The following CARMIL1 variants were observed in gnomAD, a reference collection of about 807,000 sequenced individuals.
CARMIL1 encodes the protein F-actin-uncapping protein LRRC16A.
In CARMIL1, 90 loss-of-function variants were observed where a neutral mutation model predicts 177.1. That is an observed-to-expected ratio of 0.51 (90% CI 0.43 to 0.61). The LOEUF is 0.61. Ranked by LOEUF, CARMIL1 falls within the 20% of genes least tolerant of loss-of-function variation. The pLI, the probability that CARMIL1 is intolerant of heterozygous loss-of-function variation, is 0.00. For missense variants in CARMIL1, 1,380 were observed against 1,667.0 expected (o/e 0.83, Z 3.00); for synonymous variants, 577 against 606.2 (o/e 0.95, Z 0.71).
chr6:25,554,084 CCAT>C lies in CARMIL1; in HGVS notation c.2584_2586del (p.His862del). The C allele has an allele frequency of 6.3e-7, 1 of 1,591,542 alleles. No individual in the cohort carries two copies. Among genetic ancestry groups the C allele is most frequent in the Non-Finnish European group, 8.6e-7 (1 of 1,167,992 alleles). On this transcript the variant is annotated inframe_deletion, in exon 28 of 37. Coordinates refer to ENST00000329474, the MANE Select transcript of CARMIL1 (RefSeq NM_017640.6). This position sits in a 1 kb window ranked among gnomAD's most constrained non-coding sequence, Gnocchi z 4.6. ...AAATCCTGGATGCACTCTCACATTG[CCAT>C]CATAAACTGGTGAGTGCTGTGCACA...
intron 2 of CARMIL1, among the ~76,000 whole-genome samples, chr6:25,302,779 A>G (rs1782965800): frequency 6.6e-6 from 1 of 152,186 alleles, no homozygotes; most frequent in Non-Finnish European, 1.5e-5. Flanking sequence ...ACTTGAACTG[A>G]ACTCTACTTT....
chr6:25,480,514 G>A (rs1038796647), intron 11 of CARMIL1, among the ~76,000 whole-genome samples: 25 of 150,914 alleles, frequency 1.7e-4, no homozygotes, highest in African/African-American at 6.1e-4. Context: ...TCGCTTTTAC[G>A]TTCACTTCTG....
chr6:25,414,836 G>A (rs1403856317), intron 2 of CARMIL1, among the ~76,000 whole-genome samples: 2 of 152,126 alleles, frequency 1.3e-5, no homozygotes, highest in Non-Finnish European at 2.9e-5. Context: ...CAGAAATGGG[G>A]ACCATCCTGC....
intron 2 of CARMIL1, among the ~76,000 whole-genome samples, chr6:25,371,384 T>C (rs1386174993): frequency 6.6e-6 from 1 of 152,080 alleles, no homozygotes; most frequent in Non-Finnish European, 1.5e-5. Flanking sequence ...AGTGTATAAG[T>C]AAGTGTTCTC....
chr6:25,550,030 T>A (rs1274427239), intron 26 of CARMIL1, among the ~76,000 whole-genome samples: 1 of 152,210 alleles, frequency 6.6e-6, no homozygotes, highest in Non-Finnish European at 1.5e-5. Flanking sequence ...GATCAGTAAC[T>A]TTGTCCAGTG....
At chr6:25,323,969 G>A (rs1431691362) in intron 2 of CARMIL1, among the ~76,000 whole-genome samples, 2 of 152,230 alleles carry the variant, frequency 1.3e-5, no homozygotes, top group African/African-American at 4.8e-5. Context: ...TGTGGTAATT[G>A]ACTGTTATGG....
intron 2 of CARMIL1, among the ~76,000 whole-genome samples, chr6:25,351,860 GAA>G: frequency 6.7e-6 from 1 of 150,090 alleles, no homozygotes; most frequent in South Asian, 2.1e-4. Context: ...CTGACAATAT[GAA>G]AAAAAAAATC....
intron 3 of CARMIL1, among the ~76,000 whole-genome samples, chr6:25,423,101 C>A (rs928107765): frequency 6.6e-6 from 1 of 152,216 alleles, no homozygotes; most frequent in African/African-American, 2.4e-5. Flanking sequence ...GAAGTAAAGC[C>A]AGTGTGAATG....
intron 2 of CARMIL1, among the ~76,000 whole-genome samples, chr6:25,392,672 T>C (rs1792989776): frequency 6.6e-6 from 1 of 152,156 alleles, no homozygotes. Context: ...ATTTGGAAAA[T>C]CTGAATAAGT....
chr6:25,581,073 C>T (rs2151251357), intron 30 of CARMIL1, 83 bp downstream of exon 30: 1 of 1,379,404 alleles, frequency 7.2e-7, no homozygotes, highest in Non-Finnish European at 1.0e-6. Context: ...AGGGATGTTC[C>T]TTATGGATGC....
At chr6:25,520,509 G>A (rs1437031337) in intron 23 of CARMIL1, among the ~76,000 whole-genome samples, 172 bp downstream of exon 23, 1 of 152,022 alleles carries the variant, frequency 6.6e-6, no homozygotes, top group East Asian at 1.9e-4. Context: ...CATGACTGGG[G>A]GAGGAGTAAA....
rs1803256994 is a variant in CARMIL1, at chr6:25,491,757, C to T, written c.1091C>T (p.Pro364Leu). The change falls in exon 14 of 37, where the codon CCA becomes CTA. Residue 364 changes from proline (P) to leucine (L), a missense_variant. By Grantham distance (98) the Pro-to-Leu change is moderately conservative. Coordinates refer to ENST00000329474, the MANE Select transcript of CARMIL1 (RefSeq NM_017640.6). ...LSHMYNFLAQ[P>L]NAIVHLDLSN... Reference sequence around the variant, plus strand: ...CACATGTATAATTTTTTGGCCCAGCCAAATGCCATTGTTCATCTGGATTTA... The same window carrying T: ...CACATGTATAATTTTTTGGCCCAGCTAAATGCCATTGTTCATCTGGATTTA... The T allele has an allele frequency of 6.3e-7, 1 of 1,598,272 alleles. No homozygotes were observed. Among genetic ancestry groups the T allele is most frequent in the Non-Finnish European group, 8.5e-7 (1 of 1,171,960 alleles).
intron 1 of CARMIL1, among the ~76,000 whole-genome samples, chr6:25,281,136 GCACACACA>G (rs1554148590): frequency 0.017 from 2,252 of 132,184 alleles, 60 homozygotes; most frequent in African/African-American, 0.051. Flanking sequence ...GTGCGCGCGC[GCACACACA>G]CACACACACA....
At chr6:25,404,252 AG>A (rs1283349570) in intron 2 of CARMIL1, among the ~76,000 whole-genome samples, 3 of 152,198 alleles carry the variant, frequency 2.0e-5, no homozygotes, top group South Asian at 2.1e-4. Flanking sequence ...CTTCTGAGAG[AG>A]GGAAGTTGGG....
chr6:25,413,808 C>T (rs1795128170), intron 2 of CARMIL1, among the ~76,000 whole-genome samples: 2 of 149,058 alleles, frequency 1.3e-5, no homozygotes, highest in African/African-American at 4.9e-5. Flanking sequence ...ATCTGATGCA[C>T]CCTAATTTTT....
At chr6:25,573,691 C>T (rs1812323971) in intron 29 of CARMIL1, among the ~76,000 whole-genome samples, 1 of 151,670 alleles carries the variant, frequency 6.6e-6, no homozygotes, top group Admixed American at 6.6e-5. Flanking sequence ...GCTTTTTTCC[C>T]CTTCACCCAG....
chr6:25,338,205 C>T (rs1360614780), intron 2 of CARMIL1, among the ~76,000 whole-genome samples: 3 of 151,176 alleles, frequency 2.0e-5, no homozygotes, highest in Non-Finnish European at 2.9e-5. Flanking sequence ...TACAGTGAGC[C>T]GAGATTGCAC....
chr6:25,609,369 G>A (rs1014873199), intron 35 of CARMIL1, among the ~76,000 whole-genome samples: 5 of 151,938 alleles, frequency 3.3e-5, no homozygotes, highest in Non-Finnish European at 7.4e-5. Flanking sequence ...GGGAGGCTGA[G>A]GCAGGAGAAT....
At chr6:25,399,382 C>T (rs1161577837) in intron 2 of CARMIL1, among the ~76,000 whole-genome samples, 1 of 152,142 alleles carries the variant, frequency 6.6e-6, no homozygotes, top group Non-Finnish European at 1.5e-5. Context: ...CAGCCATGGT[C>T]TCTTTGACTG....
Sources: allele counts gnomAD v4.1 joint callset (sites outside exome capture counted in the v4.1 genomes callset), GRCh38; gene constraint gnomAD v4.1.1; non-coding constraint Gnocchi (gnomAD v3.1); transcripts MANE v1.5; gene names NCBI Gene and HGNC (gene_info 2026-07-23, HGNC 2026-07-21).